COL6A3: variants seen among roughly 807,000 people sequenced by gnomAD.
COL6A3 encodes the protein collagen alpha-3(VI) chain.
Under a neutral mutation model 274.1 loss-of-function variants are expected in COL6A3, and 137 were observed. That is an observed-to-expected ratio of 0.50 (90% CI 0.44 to 0.58). The LOEUF is 0.58. Ranked by LOEUF, COL6A3 falls within the 20% of genes least tolerant of loss-of-function variation. COL6A3 has a pLI of 0.00. For synonymous variants in COL6A3, 1,650 were observed against 1,650.6 expected (o/e 1.00, Z 0.01); for missense variants, 3,950 against 4,124.9 (o/e 0.96, Z 1.16).
In COL6A3 at chr2:237,375,791, C is replaced by T. The variant is rs148912885; in HGVS notation, c.3071-771G>A. Among the ~76,000 whole-genome samples the T allele has an allele frequency of 9.3e-3, 1,415 of 152,278 alleles. 27 individuals are homozygous for T. The highest frequency in any genetic ancestry group is 0.032 in the African/African-American group (1,330 of 41,558). On this transcript the variant is annotated intron_variant, in intron 7 of 43. Coordinates refer to ENST00000295550, the MANE Select transcript of COL6A3 (RefSeq NM_004369.4). ...CTCCTGACCTCAGGCAATGGGCCCGCCTTGGCCTCCCAGAGTGCTGGGATT... is the reference window on the plus strand; with the variant it reads ...CTCCTGACCTCAGGCAATGGGCCCGTCTTGGCCTCCCAGAGTGCTGGGATT...
chr2:237,360,063 A>G (rs1294511715), intron 17 of COL6A3, 25 bp downstream of exon 17: 5 of 1,613,320 alleles, frequency 3.1e-6, no homozygotes, highest in Non-Finnish European at 3.4e-6. Context: ...TCCCCACGCT[A>G]GCAACCCCAT....
In COL6A3 at chr2:237,348,369, G is replaced by A. The variant is rs1243164167; in HGVS notation, c.6946C>T (p.Pro2316Ser). Residue 2316 changes from proline (P) to serine (S), a missense_variant, in exon 30 of 44, where the codon CCT becomes TCT. This residue lies in a region of COL6A3 where 1,284 missense variants were observed against 1,349.7 expected (regional missense o/e 0.95). Transcript: ENST00000295550. ...RRGKKGERGF[P>S]GYPGPKGNPG... The stretch of plus-strand genomic sequence containing the variant: ...TTTACCTTTGGTCCTGGGTATCCAG[G>A]GAATCCTCTTTCTCCCTATAAAGGA... 6.2e-7 allele frequency: 1 copy of A among 1,607,794 alleles called. No homozygotes were observed.
chr2:237,387,575 T>C lies in COL6A3; in HGVS notation c.1312+7A>G, dbSNP rs949869773. 12 of 1,613,872 alleles carry C rather than the reference T, an allele frequency of 7.4e-6. No homozygotes were observed. In the Admixed American group the frequency reaches 1.2e-4, roughly 16 times the overall value. On this transcript the variant is annotated splice_region_variant and intron_variant, in intron 4 of 43. Coordinates refer to ENST00000295550, the MANE Select transcript of COL6A3 (RefSeq NM_004369.4). ...TCCCACACAGATGGTGAGAAGAGGA[T>C]ACATACCTTGTGTGACAATGGTTGG...
chr2:237,346,503 A>G lies in COL6A3; in HGVS notation c.7092T>C (p.Ala2364=), dbSNP rs1461711974. Residue 2364 remains alanine (A), a splice_region_variant and synonymous_variant, in exon 32 of 44, where the codon GCT becomes GCC. Transcript: ENST00000295550. ...GGGTCAGAACTGGATAAATACTTAC[A>G]GCTGGTCCTGGGTAGCCAGGGTCTC... The part of the protein sequence containing the change: ...QKGDPGYPGP[A]GPKGNRGDSI... 1 of 1,613,952 alleles carries G rather than the reference A, an allele frequency of 6.2e-7. No homozygotes were observed. Among genetic ancestry groups the G allele is most frequent in the Admixed American group, 1.7e-5 (1 of 60,024 alleles).
At position 237,381,477 on chromosome 2, in the gene COL6A3, G is replaced by GTC; in HGVS notation, c.1333_1334dup (p.Asp445GlufsTer3). 6.2e-7 allele frequency: 1 copy of GTC among 1,604,496 alleles called. No individual in the cohort carries two copies. Among genetic ancestry groups the GTC allele is most frequent in the Non-Finnish European group, 8.5e-7 (1 of 1,179,950 alleles). On this transcript the variant is annotated frameshift_variant, in exon 5 of 44. Transcript: ENST00000295550. LOFTEE classifies it high-confidence loss of function. ...ATGAGCCATCCACCAGGAAGACTAT[G>GTC]TCTCTCTTGTTGACTTCAATGACTG...
intron 9 of COL6A3, among the ~76,000 whole-genome samples, chr2:237,370,591 A>G (rs1224843106): frequency 6.6e-6 from 1 of 152,184 alleles, no homozygotes; most frequent in Non-Finnish European, 1.5e-5. Flanking sequence ...GATGAGCCAC[A>G]TTTTCCTATT....
At chr2:237,398,533 C>A (rs2078509560) in intron 1 of COL6A3, among the ~76,000 whole-genome samples, 1 of 152,182 alleles carries the variant, frequency 6.6e-6, no homozygotes. Flanking sequence ...AGTCCCCTTG[C>A]CAGGACAGCA....
rs139066871 is a variant in COL6A3 at position 237,364,222 on chromosome 2, G to A, written c.5917+128C>T. The A allele has an allele frequency of 3.9e-6, 3 of 769,786 alleles. No homozygotes were observed. The highest frequency in any genetic ancestry group is 6.8e-6 in the Non-Finnish European group (3 of 439,434). The allele number at this position is 769,786 out of a possible 1,614,324, so 47.7% of individuals were successfully genotyped here. ...TGATGAAGGGCCACAACGCTGGGAG[G>A]AAGAGTCTCCCAAGACAACGCTGCT... On this transcript the variant is annotated intron_variant, in intron 13 of 43. Coordinates refer to ENST00000295550, the MANE Select transcript of COL6A3 (RefSeq NM_004369.4). The surrounding 1 kb of genome is among the most constrained non-coding windows in gnomAD (Gnocchi z 4.6).
In COL6A3 at chr2:237,371,257, G is replaced by T. The variant is rs1182132184; in HGVS notation, c.4285+475C>A. Among the ~76,000 whole-genome samples, 1 of 152,172 alleles carries T rather than the reference G, an allele frequency of 6.6e-6. No homozygotes were observed. Among genetic ancestry groups the T allele is most frequent in the African/African-American group, 2.4e-5 (1 of 41,446 alleles). On this transcript the variant is annotated intron_variant, in intron 9 of 43. Transcript: ENST00000295550. The surrounding 1 kb of genome is among the most constrained non-coding windows in gnomAD (Gnocchi z 4.3). The stretch of plus-strand genomic sequence containing the variant: ...ATGCCATGAGCAATAGACCCAACTT[G>T]TTCAGTCGCAGGTGTGTCCTGGTGG...
Position 237,357,877 on chromosome 2 carries a change from G to T in COL6A3, c.6477C>A (p.Asn2159Lys). The T allele has an allele frequency of 6.2e-7, 1 of 1,614,124 alleles. No homozygotes were observed. Among genetic ancestry groups the T allele is most frequent in the Non-Finnish European group, 8.5e-7 (1 of 1,180,008 alleles). Residue 2159 changes from asparagine to lysine, a missense_variant, in exon 22 of 44, where the codon AAC becomes AAA. Coordinates refer to ENST00000295550, the MANE Select transcript of COL6A3 (RefSeq NM_004369.4). ...GDVGIRGDPG[N>K]PGQDSQERGP... ...CTCTCTCCTGGCTGTCTTGTCCTGG[G>T]TTACCCTGAAAGCAACATGGGAAAG...
intron 40 of COL6A3, 121 bp from the exon 41 acceptor site, chr2:237,335,010 A>C: frequency 1.7e-6 from 2 of 1,187,400 alleles, no homozygotes; most frequent in Non-Finnish European, 2.5e-6. Context: ...AATTTAGCTG[A>C]GGCGGGGAAC....
Position 237,336,344 on chromosome 2 carries a change from G to A in COL6A3, c.8756C>T (p.Ala2919Val), listed in dbSNP as rs1292384081. The change falls in exon 40 of 44, where the codon GCT (alanine) becomes GTT (valine). Residue 2919 changes from alanine (A) to valine (V), a missense_variant. Physicochemically the swap from Ala to Val is moderately conservative, Grantham distance 64 (BLOSUM62 0). Around this residue, in one of 5 missense-constraint regions of COL6A3, gnomAD observed 1,284 missense variants for 1,349.7 expected, o/e 0.95. Coordinates refer to ENST00000295550, the MANE Select transcript of COL6A3 (RefSeq NM_004369.4). ...AAKPAPAKPV[A>V]AKPVATKMAT... ...CATCTTTGTGGCCACAGGCTTGGCA[G>A]CCACAGGTTTCGCAGGGGCCGGCTT... 4 of 1,613,448 alleles carry A rather than the reference G, an allele frequency of 2.5e-6. No individual in the cohort carries two copies. Among genetic ancestry groups the A allele is most frequent in the Non-Finnish European group, 3.4e-6 (4 of 1,179,584 alleles).
At chr2:237,392,090 T>A (rs896784169) in intron 3 of COL6A3, among the ~76,000 whole-genome samples, 1 of 152,150 alleles carries the variant, frequency 6.6e-6, no homozygotes, top group Non-Finnish European at 1.5e-5. Flanking sequence ...GAACTGCCTC[T>A]CACTCTTTCC....
At chr2:237,346,998 T>C (rs141207964) in intron 31 of COL6A3, among the ~76,000 whole-genome samples, 1 of 152,070 alleles carries the variant, frequency 6.6e-6, no homozygotes, top group East Asian at 1.9e-4. Flanking sequence ...GATAATTATG[T>C]TTCTTTTTAA....
Position 237,381,516 on chromosome 2 carries a change from T to C in COL6A3, c.1313-17A>G, listed in dbSNP as rs7579816. 7,727 of 1,579,334 alleles carry C rather than the reference T, an allele frequency of 4.9e-3. 298 individuals carry two copies. In the African/African-American group the frequency reaches 0.085, roughly 17 times the overall value. On this transcript the variant is annotated splice_polypyrimidine_tract_variant and intron_variant, in intron 4 of 43. Transcript: ENST00000295550. Reference sequence around the variant, plus strand: ...CTTCAATGACTGTAGGTGGCAACATTATAAGGCAATTAGAATGGCCTTACC... The same window carrying C: ...CTTCAATGACTGTAGGTGGCAACATCATAAGGCAATTAGAATGGCCTTACC...
In COL6A3 at chr2:237,368,640, C is replaced by T. The variant is rs931661932; in HGVS notation, c.4823G>A (p.Arg1608Lys). 1.9e-6 allele frequency: 3 copies of T among 1,613,964 alleles called. No homozygotes were observed. Among genetic ancestry groups the T allele is most frequent in the African/African-American group, 2.7e-5 (2 of 74,900 alleles). The change falls in exon 10 of 44, where the codon AGA becomes AAA. Residue 1608 changes from arginine to lysine, a missense_variant. Around this residue, in one of 5 missense-constraint regions of COL6A3, gnomAD observed 632 missense variants for 623.4 expected, o/e 1.01. Transcript: ENST00000295550. This position sits in a 1 kb window ranked among gnomAD's most constrained non-coding sequence, Gnocchi z 4.4. ...GGAGGGTCCAAACGAGTTCATGATT[C>T]TTTCTTCTATGTTGGGAAGCTCTCT... is the stretch of plus-strand genomic sequence containing the variant. ...EFRELPNIEE[R>K]IMNSFGPSAA...
intron 14 of COL6A3, among the ~76,000 whole-genome samples, chr2:237,362,210 C>T (rs1258827178): frequency 6.6e-6 from 1 of 152,136 alleles, no homozygotes; most frequent in East Asian, 1.9e-4. Context: ...GGCAGATGGC[C>T]AAGACTGAAG....
Position 237,381,263 on chromosome 2 carries a change from G to T in COL6A3, c.1549C>A (p.Pro517Thr). 3.1e-6 allele frequency: 5 copies of T among 1,614,250 alleles called. No homozygotes were observed. Among genetic ancestry groups the T allele is most frequent in the Non-Finnish European group, 3.4e-6 (4 of 1,180,050 alleles). Residue 517 changes from proline (P) to threonine (T), a missense_variant, in exon 5 of 44, where the codon CCC becomes ACC. Physicochemically the swap from Pro to Thr is conservative, Grantham distance 38. Transcript: ENST00000295550. Reference protein sequence around the residue: ...EVITAVRKMKPLDGSALYTGS... With the variant: ...EVITAVRKMKTLDGSALYTGS... The stretch of plus-strand genomic sequence containing the variant: ...GTGTACAGGGCCGAGCCGTCCAGGG[G>T]CTTCATTTTCCGCACAGCGGTTATG...
At chr2:237,348,898 C>G (rs1399096245) in intron 28 of COL6A3, among the ~76,000 whole-genome samples, 1 of 152,158 alleles carries the variant, frequency 6.6e-6, no homozygotes, top group Non-Finnish European at 1.5e-5. Context: ...CACTGGCGGA[C>G]TAACATAGAA....
Sources: allele counts gnomAD v4.1 joint callset (sites outside exome capture counted in the v4.1 genomes callset), GRCh38; gene constraint gnomAD v4.1.1; regional missense constraint gnomAD v4.1.1; non-coding constraint Gnocchi (gnomAD v3.1); transcripts MANE v1.5; gene names NCBI Gene and HGNC (gene_info 2026-07-23, HGNC 2026-07-21).